The following ITPR2 variants were observed in gnomAD, a reference collection of about 807,000 sequenced individuals.
The protein encoded by ITPR2 is inositol 1,4,5-trisphosphate-gated calcium channel ITPR2.
In ITPR2, 207 loss-of-function variants were observed where a neutral mutation model predicts 317.1. The observed-to-expected ratio is 0.65, with a 90% CI of 0.58 to 0.73. ITPR2 has a LOEUF of 0.73. Among genes scored for constraint, ITPR2 ranks in the 30% least tolerant of loss-of-function variants. The pLI is 0.00. For missense variants in ITPR2, 2,613 were observed against 3,284.0 expected (o/e 0.80, Z 4.99); for synonymous variants, 1,156 against 1,149.1 (o/e 1.01, Z -0.12).
At chr12:26,413,799 G>T (rs1940628435) in intron 51 of ITPR2, among the ~76,000 whole-genome samples, 1 of 151,946 alleles carries the variant, frequency 6.6e-6, no homozygotes. Flanking sequence ...AACAAAAAAA[G>T]AAAAAAGGCA....
chr12:26,755,771 A>T (rs1949510566), intron 2 of ITPR2, among the ~76,000 whole-genome samples: 1 of 152,238 alleles, frequency 6.6e-6, no homozygotes, highest in South Asian at 2.1e-4. Context: ...TTAAGGACTC[A>T]AACTTGACTT....
chr12:26,720,463 C>T (rs1948816881), intron 5 of ITPR2, among the ~76,000 whole-genome samples: 1 of 152,006 alleles, frequency 6.6e-6, no homozygotes, highest in South Asian at 2.1e-4. Flanking sequence ...TCCACACAGT[C>T]GGTTTATATT....
At chr12:26,730,023 AAAAAAGAAAG>A (rs1034535680) in intron 2 of ITPR2, among the ~76,000 whole-genome samples, 6 of 152,114 alleles carry the variant, frequency 3.9e-5, no homozygotes, top group African/African-American at 1.4e-4. Context: ...AAATAAACCA[AAAAAAGAAAG>A]AAAAAGAAAA....
intron 55 of ITPR2, among the ~76,000 whole-genome samples, chr12:26,352,559 T>G (rs1463729523): frequency 1.3e-5 from 2 of 152,206 alleles, no homozygotes; most frequent in African/African-American, 4.8e-5. Context: ...ATGTGGGCAC[T>G]GACGGTGGCT....
intron 2 of ITPR2, among the ~76,000 whole-genome samples, chr12:26,784,369 G>A (rs1471143094): frequency 1.1e-4 from 10 of 90,178 alleles, no homozygotes; most frequent in East Asian, 3.2e-4. Flanking sequence ...CTCCCTCCAC[G>A]GTCTCCTTCC....
At chr12:26,628,850 T>C (rs1462947367) in intron 22 of ITPR2, among the ~76,000 whole-genome samples, 1 of 152,138 alleles carries the variant, frequency 6.6e-6, no homozygotes, top group Non-Finnish European at 1.5e-5. Context: ...TTAGCATAAT[T>C]AGGAAACTAT....
intron 34 of ITPR2, among the ~76,000 whole-genome samples, chr12:26,572,955 T>C (rs1386973592): frequency 6.6e-6 from 1 of 150,804 alleles, no homozygotes; most frequent in African/African-American, 2.4e-5. Flanking sequence ...TGGGGCAACA[T>C]GATAAAGCAT....
At chr12:26,355,977 T>C (rs977905247) in intron 55 of ITPR2, among the ~76,000 whole-genome samples, 2 of 152,214 alleles carry the variant, frequency 1.3e-5, no homozygotes, top group Non-Finnish European at 2.9e-5. Context: ...CTTCACTAGA[T>C]TTTTCAAACA....
chr12:26,641,935 G>A (rs1307098951), intron 21 of ITPR2, among the ~76,000 whole-genome samples: 2 of 49,026 alleles, frequency 4.1e-5, no homozygotes, highest in Non-Finnish European at 7.5e-5. Flanking sequence ...AAGCTTAGAA[G>A]GAAAAAACAA....
chr12:26,605,126 A>AAATATATATATATATATATATAT (rs1555165395), intron 26 of ITPR2, among the ~76,000 whole-genome samples: 1 of 136,302 alleles, frequency 7.3e-6, no homozygotes. Context: ...AAAAAATAAA[A>AAATATATATATATATATATATAT]ATATATATAT....
chr12:26,443,951 C>T (rs1376972944), intron 45 of ITPR2, among the ~76,000 whole-genome samples: 1 of 152,010 alleles, frequency 6.6e-6, no homozygotes, highest in Non-Finnish European at 1.5e-5. Flanking sequence ...AAACTACATG[C>T]AAATAAAAAC....
At chr12:26,481,639 GAC>G (rs1399847423) in intron 42 of ITPR2, among the ~76,000 whole-genome samples, 1 of 152,174 alleles carries the variant, frequency 6.6e-6, no homozygotes, top group Non-Finnish European at 1.5e-5. Flanking sequence ...ATTTATGAAA[GAC>G]ATGTGTCCCT....
chr12:26,818,572 A>G (rs1406774163), intron 1 of ITPR2, among the ~76,000 whole-genome samples: 2 of 152,362 alleles, frequency 1.3e-5, no homozygotes, highest in African/African-American at 2.4e-5. Context: ...ATTCCTGCAC[A>G]TGGATTAGTG....
At chr12:26,378,461 G>C (rs1939409788) in intron 55 of ITPR2, among the ~76,000 whole-genome samples, 1 of 152,108 alleles carries the variant, frequency 6.6e-6, no homozygotes, top group South Asian at 2.1e-4. Context: ...ATATAGAATG[G>C]GGCCAGACTA....
At chr12:26,499,439 A>C (rs1408918690) in intron 37 of ITPR2, among the ~76,000 whole-genome samples, 1 of 152,194 alleles carries the variant, frequency 6.6e-6, no homozygotes, top group East Asian at 1.9e-4. Flanking sequence ...CCATATACTA[A>C]CTGGGGATCT....
intron 49 of ITPR2, among the ~76,000 whole-genome samples, chr12:26,423,336 CAAGT>C (rs1391054016): frequency 1.3e-5 from 2 of 152,156 alleles, no homozygotes; most frequent in Admixed American, 6.5e-5. Flanking sequence ...AAGCTATCTA[CAAGT>C]AAGTAACTAG....
chr12:26,587,279 A>G (rs1158775149), intron 32 of ITPR2, among the ~76,000 whole-genome samples: 1 of 22,292 alleles, frequency 4.5e-5, no homozygotes, highest in Non-Finnish European at 2.7e-4. Context: ...AAATACAAAT[A>G]AATATATATA....
At chr12:26,502,661 G>C (rs1372845720) in intron 37 of ITPR2, among the ~76,000 whole-genome samples, 1 of 152,172 alleles carries the variant, frequency 6.6e-6, no homozygotes, top group Non-Finnish European at 1.5e-5. Context: ...TTGCTGAGTG[G>C]GGGGTAAGGC....
At chr12:26,445,420 G>A (rs1941585217) in intron 45 of ITPR2, among the ~76,000 whole-genome samples, 1 of 152,068 alleles carries the variant, frequency 6.6e-6, no homozygotes, top group Non-Finnish European at 1.5e-5. Context: ...CTAAAAGTGA[G>A]CTTAAACAGA....
Sources: allele counts gnomAD v4.1 joint callset (sites outside exome capture counted in the v4.1 genomes callset), GRCh38; gene constraint gnomAD v4.1.1; transcripts MANE v1.5; gene names NCBI Gene and HGNC (gene_info 2026-07-23, HGNC 2026-07-21).